Variants in EHBP1 observed in about 807,000 individuals in gnomAD.
The protein encoded by EHBP1 is EH domain-binding protein 1.
In EHBP1, 55 loss-of-function variants were observed where a neutral mutation model predicts 144.0. The ratio of observed to expected loss-of-function variants is 0.38; its 90% CI spans 0.31 to 0.48. EHBP1 has a LOEUF of 0.48. Among genes scored for constraint, EHBP1 ranks in the 20% least tolerant of loss-of-function variants. The pLI, the probability that EHBP1 is intolerant of heterozygous loss-of-function variation, is 0.98. For synonymous variants in EHBP1, 469 were observed against 472.7 expected, an observed-to-expected ratio of 0.99 and a Z score of 0.10; for missense variants, 1,200 against 1,364.2, an observed-to-expected ratio of 0.88 and a Z score of 1.90.
chr2:62,976,938 C>T (rs1297931690), intron 14 of EHBP1, among the ~76,000 whole-genome samples: 1 of 151,836 alleles, frequency 6.6e-6, no homozygotes, highest in African/African-American at 2.4e-5. Flanking sequence ...TTTTTCCCTC[C>T]CTCTGCATCT....
At chr2:62,956,229 T>TTA (rs1013806267) in intron 14 of EHBP1, 13 of 152,286 alleles carry the variant, frequency 8.5e-5, no homozygotes, top group Admixed American at 6.5e-4. Flanking sequence ...AACCACATTT[T>TTA]TATATATATT....
chr2:62,747,289 C>G, intron 2 of EHBP1, 106 bp from the exon 3 acceptor site: 1 of 903,060 alleles, frequency 1.1e-6, no homozygotes, highest in Non-Finnish European at 1.7e-6. Context: ...ACAGTAGCTG[C>G]TTTATGTAGC....
chr2:62,955,419 C>G, intron 13 of EHBP1, 98 bp from the exon 14 acceptor site: 4 of 1,133,308 alleles, frequency 3.5e-6, no homozygotes, highest in Non-Finnish European at 4.9e-6. Context: ...TATTCATAAT[C>G]TCTATTATTT....
intron 7 of EHBP1, among the ~76,000 whole-genome samples, chr2:62,844,135 G>T (rs1245721126): frequency 2.6e-5 from 4 of 152,130 alleles, no homozygotes; most frequent in Non-Finnish European, 5.9e-5. Context: ...ACATCTCACG[G>T]TTATTCATGT....
chr2:62,841,569 T>C (rs1393221240), intron 7 of EHBP1, among the ~76,000 whole-genome samples: 1 of 152,208 alleles, frequency 6.6e-6, no homozygotes, highest in Non-Finnish European at 1.5e-5. Flanking sequence ...TTCTCTTCTT[T>C]ATTTAAACCC....
At chr2:62,952,278 T>C in intron 13 of EHBP1, among the ~76,000 whole-genome samples, 1 of 152,226 alleles carries the variant, frequency 6.6e-6, no homozygotes, top group East Asian at 1.9e-4. Context: ...GCTTTTAAAA[T>C]TGTATATAGC....
intron 2 of EHBP1, chr2:62,726,535 C>T (rs2036804984): frequency 6.6e-6 from 1 of 152,276 alleles, no homozygotes. Flanking sequence ...TTCTATCTGG[C>T]TGCTCTAGTC....
At position 62,842,536 on chromosome 2, in the gene EHBP1, G is replaced by A. The variant is rs146874712; in HGVS notation, c.634+11378G>A. ...TTGGGGGGACATTGACATTCAGACC[G>A]TAATATACCTATCCTTCAAAATTTA... On this transcript the variant is annotated intron_variant, in intron 7 of 22. Transcript: ENST00000431489. 4.1e-3 allele frequency among the ~76,000 whole-genome samples: 621 copies of A among 152,230 alleles called. 6 individuals are homozygous for A. The highest frequency in any genetic ancestry group is 0.014 in the African/African-American group (567 of 41,536).
intron 5 of EHBP1, among the ~76,000 whole-genome samples, chr2:62,773,850 C>CAAAAAAAAAAAAAAAAAAAAAAAAAAA (rs570715468): frequency 4.8e-5 from 2 of 41,552 alleles, no homozygotes; most frequent in Admixed American, 4.3e-4. Flanking sequence ...GACTCCATCT[C>CAAAAAAAAAAAAAAAAAAAAAAAAAAA]AAAAAAAAAA....
chr2:62,681,328 G>GTATATATATA (rs2033507471), intron 1 of EHBP1, among the ~76,000 whole-genome samples: 1 of 23,092 alleles, frequency 4.3e-5, no homozygotes, highest in African/African-American at 3.0e-4. Context: ...ATATTTGTAT[G>GTATATATATA]TATGTGTGTG....
chr2:62,838,031 A>G (rs2152699062), intron 7 of EHBP1, among the ~76,000 whole-genome samples: 1 of 150,146 alleles, frequency 6.7e-6, no homozygotes, highest in South Asian at 2.2e-4. Flanking sequence ...AATCAACAGA[A>G]TATACATTTT....
At chr2:62,910,862 G>A (rs1319124810) in intron 10 of EHBP1, among the ~76,000 whole-genome samples, 2 of 152,062 alleles carry the variant, frequency 1.3e-5, no homozygotes, top group African/African-American at 2.4e-5. Flanking sequence ...CCACTTAATA[G>A]GTGCACTTTA....
At chr2:62,867,557 C>T (rs949679225) in intron 9 of EHBP1, among the ~76,000 whole-genome samples, 24 of 151,942 alleles carry the variant, frequency 1.6e-4, no homozygotes, top group Middle Eastern at 3.2e-3. Flanking sequence ...AACAACAGAA[C>T]GTTGCTGAGA....
At chr2:62,842,541 A>T (rs1305122374) in intron 7 of EHBP1, among the ~76,000 whole-genome samples, 2 of 152,160 alleles carry the variant, frequency 1.3e-5, no homozygotes, top group Non-Finnish European at 2.9e-5. Context: ...AGACCGTAAT[A>T]TACCTATCCT....
At chr2:62,744,753 C>T (rs986914742) in intron 2 of EHBP1, among the ~76,000 whole-genome samples, 3 of 151,902 alleles carry the variant, frequency 2.0e-5, no homozygotes, top group East Asian at 1.9e-4. Context: ...CACTGAGATG[C>T]GTTAAGTGGC....
At chr2:62,988,197 T>A (rs1049785731) in intron 15 of EHBP1, among the ~76,000 whole-genome samples, 1 of 152,122 alleles carries the variant, frequency 6.6e-6, no homozygotes, top group African/African-American at 2.4e-5. Flanking sequence ...AATTTTATGT[T>A]ATTTTGTTTT....
intron 12 of EHBP1, among the ~76,000 whole-genome samples, chr2:62,947,689 A>C (rs1453778136): frequency 6.6e-6 from 1 of 152,190 alleles, no homozygotes; most frequent in East Asian, 1.9e-4. Context: ...ATTCTCAACT[A>C]GGTTGTAGTA....
chr2:62,940,627 G>C (rs576361548), intron 10 of EHBP1, among the ~76,000 whole-genome samples: 1 of 152,062 alleles, frequency 6.6e-6, no homozygotes, highest in African/African-American at 2.4e-5. Flanking sequence ...AAAATATTAG[G>C]TAAAAGGTCA....
In EHBP1 at chr2:62,996,705, A is replaced by G. The variant is rs2059642051; in HGVS notation, c.3042A>G (p.Gln1014=). 6.2e-7 allele frequency: 1 copy of G among 1,613,422 alleles called. No individual in the cohort carries two copies. Among genetic ancestry groups the G allele is most frequent in the East Asian group, 2.2e-5 (1 of 44,820 alleles). The change falls in exon 19 of 23, where the codon CAA becomes CAG. Residue 1014 remains glutamine (Q), a synonymous_variant. Coordinates refer to ENST00000431489, the MANE Select transcript of EHBP1 (RefSeq NM_001142616.3). ...VGELAALENE[Q]KQIDTRAALV... is the part of the protein sequence containing the mutation. ...AATTGGCAGCACTAGAGAATGAGCAAAAGCAAATTGACACCCGTGCCGCGC... is the reference window on the plus strand; with the variant it reads ...AATTGGCAGCACTAGAGAATGAGCAGAAGCAAATTGACACCCGTGCCGCGC...
Sources: allele counts gnomAD v4.1 joint callset (sites outside exome capture counted in the v4.1 genomes callset), GRCh38; gene constraint gnomAD v4.1.1; transcripts MANE v1.5; gene names NCBI Gene and HGNC (gene_info 2026-07-23, HGNC 2026-07-21).